The following KCNQ1 variants were observed in gnomAD, a reference collection of about 807,000 sequenced individuals.
The protein encoded by KCNQ1 is potassium voltage-gated channel subfamily Q member 1.
Under a neutral mutation model 72.4 loss-of-function variants are expected in KCNQ1, and 49 were observed. The ratio of observed to expected loss-of-function variants is 0.68; its 90% CI spans 0.54 to 0.86. The LOEUF is 0.86. KCNQ1 is among the 40% of genes least tolerant of loss of function. KCNQ1 has a pLI of 0.00. For synonymous variants in KCNQ1, 450 were observed against 412.6 expected (o/e 1.09, Z -1.10); for missense variants, 790 against 945.1 (o/e 0.84, Z 2.15).
At chr11:2,795,096 G>A (rs1053611996) in intron 15 of KCNQ1, among the ~76,000 whole-genome samples, 2 of 152,226 alleles carry the variant, frequency 1.3e-5, no homozygotes, top group South Asian at 2.1e-4. Flanking sequence ...CTCCTCCCAC[G>A]TCCCACTCAG....
chr11:2,548,905 C>T (rs756643612), intron 2 of KCNQ1, among the ~76,000 whole-genome samples: 12 of 152,164 alleles, frequency 7.9e-5, no homozygotes, highest in South Asian at 2.1e-4. Context: ...ACCTGTCTGG[C>T]GGGAATAAAG....
chr11:2,837,745 A>G (rs866280194), intron 15 of KCNQ1, among the ~76,000 whole-genome samples: 1 of 152,204 alleles, frequency 6.6e-6, no homozygotes. Flanking sequence ...AGAGGGGTGG[A>G]TGCTCCAGGA....
intron 11 of KCNQ1, among the ~76,000 whole-genome samples, chr11:2,709,220 G>GCCCCCCCCCCCC (rs34617956): frequency 1.5e-5 from 2 of 130,038 alleles, no homozygotes; most frequent in African/African-American, 3.0e-5. Context: ...CGGCTTCCAG[G>GCCCCCCCCCCCC]CCCCCCCCAC....
At chr11:2,709,824 C>A (rs1405391745) in intron 11 of KCNQ1, among the ~76,000 whole-genome samples, 2 of 152,126 alleles carry the variant, frequency 1.3e-5, no homozygotes, top group Non-Finnish European at 1.5e-5. Context: ...TGTTTCATTC[C>A]TTTTTAGGGC....
intron 10 of KCNQ1, chr11:2,650,949 G>A: frequency 2.5e-6 from 1 of 397,734 alleles, no homozygotes. Flanking sequence ...TTTTTTCTTA[G>A]TACCCCTTTC....
At chr11:2,662,214 T>C in intron 11 of KCNQ1, 133 bp downstream of exon 11, 1 of 1,270,166 alleles carries the variant, frequency 7.9e-7, no homozygotes, top group Non-Finnish European at 1.1e-6. Context: ...ACTTGCCGTC[T>C]GCCTGGCCCC....
intron 2 of KCNQ1, among the ~76,000 whole-genome samples, chr11:2,532,407 T>C (rs1277817048): frequency 3.9e-5 from 6 of 152,192 alleles, no homozygotes; most frequent in Non-Finnish European, 5.9e-5. Flanking sequence ...CTTGCCACAC[T>C]TCCCAGCAGT....
Position 2,642,390 on chromosome 11 carries a change from T to A in KCNQ1, c.1394-19571T>A. 2.5e-6 allele frequency: 1 copy of A among 398,228 alleles called. No homozygotes were observed. 24.7% of individuals were successfully genotyped at this position (398,228 alleles called of 1,614,324 possible). The stretch of plus-strand genomic sequence containing the variant: ...GTTGTAAAAGATAATGCCTTCTTGA[T>A]TTCTTTCTCAGCTGGTTCTTTATTG... On this transcript the variant is annotated intron_variant, in intron 10 of 15. Coordinates refer to ENST00000155840, the MANE Select transcript of KCNQ1 (RefSeq NM_000218.3). This position sits in a 1 kb window ranked among gnomAD's most constrained non-coding sequence, Gnocchi z 4.3.
At chr11:2,770,509 G>C (rs114748058) in intron 12 of KCNQ1, among the ~76,000 whole-genome samples, 2 of 152,230 alleles carry the variant, frequency 1.3e-5, no homozygotes, top group South Asian at 2.1e-4. Flanking sequence ...TCTCCAGGGG[G>C]GTTTCGCATG....
intron 15 of KCNQ1, among the ~76,000 whole-genome samples, chr11:2,789,442 G>T (rs1250470904): frequency 6.6e-6 from 1 of 152,184 alleles, no homozygotes; most frequent in Non-Finnish European, 1.5e-5. Context: ...GAGAAGCGTG[G>T]TATATACTGA....
rs977098189 is a variant in KCNQ1 at position 2,564,187 on chromosome 11, G to A, written c.478-6441G>A. Among the ~76,000 whole-genome samples the A allele has an allele frequency of 2.0e-5, 3 of 152,186 alleles. No homozygotes were observed. The highest frequency in any genetic ancestry group is 4.8e-5 in the African/African-American group (2 of 41,426). On this transcript the variant is annotated intron_variant, in intron 2 of 15. Transcript: ENST00000155840. The surrounding 1 kb of genome is among the most constrained non-coding windows in gnomAD (Gnocchi z 4.5). Reference sequence around the variant, plus strand: ...GTGGCATTTAGTATGTTCACAAGGCGGTTCAGCCAACACCTGTCTCCGGTT... The same window carrying A: ...GTGGCATTTAGTATGTTCACAAGGCAGTTCAGCCAACACCTGTCTCCGGTT...
In KCNQ1 at chr11:2,658,915, G is replaced by A. The variant is rs867374557; in HGVS notation, c.1394-3046G>A. The A allele has an allele frequency of 5.0e-6, 2 of 398,328 alleles. No homozygotes were observed. Among genetic ancestry groups the A allele is most frequent in the African/African-American group, 2.1e-5 (1 of 48,574 alleles). The allele number at this position is 398,328 out of a possible 1,614,324, so 24.7% of individuals were successfully genotyped here. The stretch of plus-strand genomic sequence containing the variant: ...TTGTACACGTAGTACCCTATGTGAA[G>A]CAAATTTACCTACTAGATTAGAGTG... On this transcript the variant is annotated intron_variant, in intron 10 of 15. Transcript: ENST00000155840. This position sits in a 1 kb window ranked among gnomAD's most constrained non-coding sequence, Gnocchi z 4.9.
At chr11:2,805,378 A>G (rs1847351456) in intron 15 of KCNQ1, among the ~76,000 whole-genome samples, 1 of 152,242 alleles carries the variant, frequency 6.6e-6, no homozygotes, top group African/African-American at 2.4e-5. Flanking sequence ...TTTGCAAGTG[A>G]AAACTCAAAT....
At chr11:2,553,487 A>T (rs921840603) in intron 2 of KCNQ1, among the ~76,000 whole-genome samples, 2 of 151,866 alleles carry the variant, frequency 1.3e-5, no homozygotes, top group Non-Finnish European at 2.9e-5. Context: ...TGGCTGTTGG[A>T]TTTTTTGACA....
rs1269551539 is a variant in KCNQ1 at position 2,663,165 on chromosome 11, C to T, written c.1514+1084C>T. On this transcript the variant is annotated intron_variant, in intron 11 of 15. Transcript: ENST00000155840. This position sits in a 1 kb window ranked among gnomAD's most constrained non-coding sequence, Gnocchi z 5.2. ...TGCCCACTGTCTTTCCAGGCCCCCCCAGTTCACAGAGAGGTTGGCAGTACC... is the reference window on the plus strand; with the variant it reads ...TGCCCACTGTCTTTCCAGGCCCCCCTAGTTCACAGAGAGGTTGGCAGTACC... The T allele has an allele frequency of 2.5e-6, 1 of 398,744 alleles. No individual in the cohort carries two copies. Among genetic ancestry groups the T allele is most frequent in the Non-Finnish European group, 4.4e-6 (1 of 226,158 alleles). The allele number at this position is 398,744 out of a possible 1,614,324, so 24.7% of individuals were successfully genotyped here.
In KCNQ1 at chr11:2,585,316, C is replaced by T; in HGVS notation, c.1128+9C>T. 6.2e-7 allele frequency: 1 copy of T among 1,609,582 alleles called. No homozygotes were observed. ...CAGCCTCACTCATTCAGGTGCGGTG[C>T]CTGCAAGGCCCTGGTCACTGTCATT... On this transcript the variant is annotated intron_variant, in intron 8 of 15. Transcript: ENST00000155840.
At chr11:2,700,002 G>A in intron 11 of KCNQ1, 1 of 398,258 alleles carries the variant, frequency 2.5e-6, no homozygotes, top group Non-Finnish European at 4.4e-6. Flanking sequence ...TCTGCCTGGA[G>A]ACTGCGGCAG....
In KCNQ1 at chr11:2,847,894, C is replaced by T. The variant is rs561780070; in HGVS notation, c.1922C>T (p.Pro641Leu). The change falls in exon 16 of 16, where the codon CCC becomes CTC. Residue 641 changes from proline to leucine, a missense_variant. Pro to Leu is a moderately conservative substitution (Grantham distance 98). Coordinates refer to ENST00000155840, the MANE Select transcript of KCNQ1 (RefSeq NM_000218.3). ...GAGGGCGGGGCCCACATCACCCAGC[C>T]CTGCGGCAGTGGCGGCTCCGTCGAC... ...PREGGAHITQPCGSGGSVDPE... is the reference protein window; with the variant it reads ...PREGGAHITQLCGSGGSVDPE... 6.3e-7 allele frequency: 1 copy of T among 1,583,890 alleles called. No individual in the cohort carries two copies. The highest frequency in any genetic ancestry group is 1.1e-5 in the South Asian group (1 of 87,044).
intron 15 of KCNQ1, among the ~76,000 whole-genome samples, chr11:2,792,423 C>T (rs1238688959): frequency 6.6e-6 from 1 of 152,190 alleles, no homozygotes; most frequent in Non-Finnish European, 1.5e-5. Flanking sequence ...GTGGCCTCTG[C>T]TCTCAGGAAG....
Sources: gnomAD v4.1 joint callset for allele counts (sites outside exome capture counted in the v4.1 genomes callset) on GRCh38, gnomAD v4.1.1 for gene constraint, Gnocchi (gnomAD v3.1) non-coding constraint, MANE v1.5 for transcripts, NCBI Gene and HGNC (gene_info 2026-07-23, HGNC 2026-07-21) for gene names.